The following BICC1 variants were observed in gnomAD, a reference collection of about 807,000 sequenced individuals.
BICC1 encodes the protein BicC family RNA binding protein 1.
BICC1 carries 43 observed loss-of-function variants against 111.0 expected under a neutral mutation model. The ratio of observed to expected loss-of-function variants is 0.39; its 90% confidence interval spans 0.30 to 0.50. The LOEUF (loss-of-function observed/expected upper bound fraction) is 0.50. Ranked by LOEUF, BICC1 falls within the 20% of genes least tolerant of loss-of-function variation. The probability of loss-of-function intolerance (pLI) is 0.88; values close to 1 mark genes in which losing one functional copy is unlikely to be tolerated. For synonymous variants in BICC1, 467 were observed against 434.4 expected, an observed-to-expected ratio of 1.07 and a Z score of -0.93; for missense variants, 1,091 against 1,203.2, an observed-to-expected ratio of 0.91 and a Z score of 1.38.
chr10:58,678,961 GAAAT>G (rs939697183), intron 2 of BICC1, among the ~76,000 whole-genome samples: 6 of 152,128 alleles, frequency 3.9e-5, no homozygotes, highest in African/African-American at 1.4e-4. Context: ...AAATTAGGCA[GAAAT>G]AAATAAGTTC....
In BICC1 at chr10:58,830,741, T is replaced by C. The variant is rs1342420150; in HGVS notation, c.*1850T>C. On this transcript the variant is annotated 3_prime_UTR_variant, in exon 21 of 21. Coordinates refer to ENST00000373886, the MANE Select transcript of BICC1 (RefSeq NM_001080512.3). ...ACTAAGCCTTATCTGCTTAAGGATG[T>C]TGAACTGAATCACTCCCTTTACTCA... is the stretch of plus-strand genomic sequence containing the variant. 1 of 152,198 alleles carries C rather than the reference T, an allele frequency of 6.6e-6. No individual in the cohort carries two copies. Among genetic ancestry groups the C allele is most frequent in the Non-Finnish European group, 1.5e-5 (1 of 68,026 alleles). 9.4% of individuals were successfully genotyped at this position (152,198 alleles called of 1,614,324 possible).
At chr10:58,822,066 A>G (rs1844266386) in intron 20 of BICC1, among the ~76,000 whole-genome samples, 1 of 152,168 alleles carries the variant, frequency 6.6e-6, no homozygotes, top group Admixed American at 6.5e-5. Flanking sequence ...CCTAGACTCA[A>G]GCTAACTTTA....
At chr10:58,769,420 A>ATATATATATATATATG in intron 3 of BICC1, among the ~76,000 whole-genome samples, 1 of 145,570 alleles carries the variant, frequency 6.9e-6, no homozygotes, top group East Asian at 2.0e-4. Context: ...ATATATATAT[A>ATATATATATATATATG]TATATAATCA....
rs576824672 is a variant in BICC1, at chr10:58,600,399, A to G, written c.191-20456A>G. Among the ~76,000 whole-genome samples the G allele has an allele frequency of 2.6e-5, 4 of 152,224 alleles. No individual in the cohort carries two copies. In the South Asian group the frequency reaches 8.3e-4, roughly 32 times the overall value. On this transcript the variant is annotated intron_variant, in intron 1 of 20. Transcript: ENST00000373886. ...GAATGGAGAGATTCAGGCTGTCTCT[A>G]AGACAGAGCTATGGGGAGAAGCTGT...
chr10:58,622,719 T>A (rs1845859030), intron 2 of BICC1, among the ~76,000 whole-genome samples: 1 of 152,230 alleles, frequency 6.6e-6, no homozygotes, highest in Non-Finnish European at 1.5e-5. Flanking sequence ...GAGTCATTTT[T>A]CTGCTATTTT....
At chr10:58,803,363 A>G in intron 15 of BICC1, 121 bp downstream of exon 15, 1 of 820,746 alleles carries the variant, frequency 1.2e-6, no homozygotes, top group Non-Finnish European at 1.7e-6. Flanking sequence ...CTACATTCAA[A>G]ATGAAATTTA....
chr10:58,522,041 C>G (rs977068015), intron 1 of BICC1, among the ~76,000 whole-genome samples: 1 of 151,754 alleles, frequency 6.6e-6, no homozygotes, highest in African/African-American at 2.4e-5. Flanking sequence ...ACTTTTTCCA[C>G]ATTATTAAAC....
At position 58,806,607 on chromosome 10, in the gene BICC1, G is replaced by A. The variant is rs372568621; in HGVS notation, c.2205G>A (p.Lys735=). 12 of 1,612,236 alleles carry A rather than the reference G, an allele frequency of 7.4e-6. No individual in the cohort carries two copies. The African/African-American group carries it at 1.1e-4, about 14-fold the overall frequency. The change falls in exon 16 of 21, where the codon AAG becomes AAA. Residue 735 remains lysine (K), a synonymous_variant. Coordinates refer to ENST00000373886, the MANE Select transcript of BICC1 (RefSeq NM_001080512.3). ...AGGCATTTGACTATGAACAGAAGAA[G>A]CTATTAGCCACCAAAGGTATGTAAT... ...NMQAFDYEQK[K]LLATKAMLKK... is the part of the protein sequence containing the mutation.
At chr10:58,644,862 G>A (rs1838220543) in intron 2 of BICC1, among the ~76,000 whole-genome samples, 1 of 152,234 alleles carries the variant, frequency 6.6e-6, no homozygotes, top group Non-Finnish European at 1.5e-5. Flanking sequence ...GATTTTTTAA[G>A]TTTATGTTCA....
intron 3 of BICC1, among the ~76,000 whole-genome samples, chr10:58,747,823 C>T (rs998480664): frequency 2.0e-5 from 3 of 152,096 alleles, no homozygotes; most frequent in East Asian, 3.9e-4. Context: ...TGGCAAACCA[C>T]ATTTCACAGG....
At chr10:58,601,687 T>C (rs1227567761) in intron 1 of BICC1, among the ~76,000 whole-genome samples, 1 of 152,074 alleles carries the variant, frequency 6.6e-6, no homozygotes, top group Non-Finnish European at 1.5e-5. Context: ...AATTTACACT[T>C]CCGCCATTGT....
chr10:58,638,336 A>G (rs116572227), intron 2 of BICC1, among the ~76,000 whole-genome samples: 2 of 152,114 alleles, frequency 1.3e-5, no homozygotes, highest in African/African-American at 4.8e-5. Flanking sequence ...AGGCCATTTG[A>G]AAAAAACAGC....
chr10:58,577,085 G>T (rs1844134897), intron 1 of BICC1, among the ~76,000 whole-genome samples: 1 of 152,230 alleles, frequency 6.6e-6, no homozygotes, highest in Middle Eastern at 3.4e-3. Context: ...GATGAGGTTG[G>T]TTTCCACAAT....
chr10:58,695,292 C>T (rs1359795006), intron 2 of BICC1, among the ~76,000 whole-genome samples: 2 of 152,184 alleles, frequency 1.3e-5, no homozygotes, highest in Non-Finnish European at 2.9e-5. Context: ...GCTCTTTTCT[C>T]ACTTAGCTCC....
intron 10 of BICC1, among the ~76,000 whole-genome samples, chr10:58,797,161 T>C (rs112587962): frequency 1.3e-5 from 2 of 152,226 alleles, no homozygotes; most frequent in Non-Finnish European, 2.9e-5. Context: ...TATGGATTGC[T>C]ATTTTATAGG....
At chr10:58,601,417 C>T (rs1303015516) in intron 1 of BICC1, among the ~76,000 whole-genome samples, 1 of 151,398 alleles carries the variant, frequency 6.6e-6, no homozygotes, top group Non-Finnish European at 1.5e-5. Flanking sequence ...TCCAAATCAT[C>T]TTTTCAAATG....
chr10:58,610,713 GT>G (rs1232113986), intron 1 of BICC1, among the ~76,000 whole-genome samples: 1 of 151,638 alleles, frequency 6.6e-6, no homozygotes, highest in Non-Finnish European at 1.5e-5. Context: ...TTGAAAGTGG[GT>G]TTTGTTTTTA....
chr10:58,572,174 A>AT (rs970664302), intron 1 of BICC1, among the ~76,000 whole-genome samples: 33 of 151,084 alleles, frequency 2.2e-4, no homozygotes, highest in East Asian at 1.4e-3. Flanking sequence ...TTTAAGTGGG[A>AT]TTTTTTTTTC....
At chr10:58,715,590 C>G (rs1215733235) in intron 3 of BICC1, 32 of 1,602,900 alleles carry the variant, frequency 2.0e-5, no homozygotes, top group South Asian at 9.9e-5. Flanking sequence ...CTATATGCAC[C>G]CAATAGCAAT....
Sources: gnomAD v4.1 joint callset for allele counts (sites outside exome capture counted in the v4.1 genomes callset) on GRCh38, gnomAD v4.1.1 for gene constraint, MANE v1.5 for transcripts, NCBI Gene and HGNC (gene_info 2026-07-23, HGNC 2026-07-21) for gene names.